Variants in GPC3 observed in about 807,000 individuals in gnomAD.
GPC3 encodes glypican 3.
In GPC3, 3 loss-of-function variants were observed where a neutral mutation model predicts 34.4. That is an observed-to-expected ratio of 0.09 (90% CI 0.04 to 0.23). The LOEUF (loss-of-function observed/expected upper bound fraction) is 0.23. Among genes scored for constraint, GPC3 ranks in the 10% least tolerant of loss-of-function variants. The pLI is 1.00. For synonymous variants in GPC3, 177 were observed against 174.0 expected (o/e 1.02, Z -0.13); for missense variants, 351 against 445.6 (o/e 0.79, Z 1.91).
intron 2 of GPC3, among the ~76,000 whole-genome samples, chrX:133,754,945 G>C (rs2071712774): frequency 8.9e-6 from 1 of 111,945 alleles, no homozygotes; most frequent in African/African-American, 3.2e-5. Context: ...CTGCTCTACA[G>C]AGACCACAAA....
At chrX:133,650,065 T>A (rs917189804) in intron 6 of GPC3, among the ~76,000 whole-genome samples, 3 of 112,157 alleles carry the variant, frequency 2.7e-5, no homozygotes, top group African/African-American at 9.7e-5. Flanking sequence ...TCTGTTGGCA[T>A]GTGAAATACA....
chrX:133,815,525 T>A (rs1225454740), intron 2 of GPC3, among the ~76,000 whole-genome samples: 1 of 110,528 alleles, frequency 9.0e-6, no homozygotes, highest in African/African-American at 3.3e-5. Context: ...GATATATACA[T>A]CTTGCTTCAC....
At chrX:133,591,306 C>T (rs769849800) in intron 7 of GPC3, among the ~76,000 whole-genome samples, 51 of 112,095 alleles carry the variant, frequency 4.5e-4, no homozygotes, top group African/African-American at 1.6e-3. Context: ...GATGAATCAT[C>T]AGGACCAGAT....
At chrX:133,717,636 TAA>T (rs1394536404) in intron 3 of GPC3, among the ~76,000 whole-genome samples, 1 of 110,479 alleles carries the variant, frequency 9.1e-6, no homozygotes, top group East Asian at 2.9e-4. Context: ...TGTGAGCCCT[TAA>T]AAGGGACTGG....
chrX:133,914,944 A>AATATATATATATATATAT (rs35086661), intron 2 of GPC3, among the ~76,000 whole-genome samples: 85 of 49,930 alleles, frequency 1.7e-3, no homozygotes, highest in Non-Finnish European at 2.1e-3. Context: ...TCAAACTGGA[A>AATATATATATATATATAT]ATATATATAT....
At chrX:133,634,124 T>C (rs1293999883) in intron 6 of GPC3, among the ~76,000 whole-genome samples, 1 of 111,668 alleles carries the variant, frequency 9.0e-6, no homozygotes, top group Non-Finnish European at 1.9e-5. Flanking sequence ...AAAACCACAA[T>C]GAGATACCAC....
intron 2 of GPC3, among the ~76,000 whole-genome samples, chrX:133,801,606 C>T (rs2075609748): frequency 8.9e-6 from 1 of 112,230 alleles, no homozygotes; most frequent in Admixed American, 9.4e-5. Context: ...TTAACAAATG[C>T]CAATCTTTGG....
intron 2 of GPC3, among the ~76,000 whole-genome samples, chrX:133,896,914 T>G (rs1225323389): frequency 9.5e-6 from 1 of 104,890 alleles, no homozygotes; most frequent in East Asian, 3.0e-4. Context: ...ACCTTTTTTT[T>G]TTTTTTTTTT....
chrX:133,725,311 C>T (rs1237634873), intron 3 of GPC3, among the ~76,000 whole-genome samples: 1 of 111,553 alleles, frequency 9.0e-6, no homozygotes, highest in Non-Finnish European at 1.9e-5. Context: ...ATCGCTTGAG[C>T]CCACGAGTTC....
chrX:133,917,123 C>T (rs1002012995), intron 2 of GPC3, among the ~76,000 whole-genome samples: 5 of 111,924 alleles, frequency 4.5e-5, no homozygotes, highest in African/African-American at 9.7e-5. Flanking sequence ...TATCTCCATA[C>T]TTAACACACA....
intron 2 of GPC3, among the ~76,000 whole-genome samples, chrX:133,907,115 A>G (rs2076171854): frequency 9.0e-6 from 1 of 110,961 alleles, no homozygotes; most frequent in Non-Finnish European, 1.9e-5. Flanking sequence ...AAAAAAAAAA[A>G]GTTGTAGTCT....
At chrX:133,776,559 A>C (rs188723824) in intron 2 of GPC3, among the ~76,000 whole-genome samples, 1 of 112,094 alleles carries the variant, frequency 8.9e-6, no homozygotes, top group African/African-American at 3.2e-5. Context: ...AAGATCCTTC[A>C]CTATTGTTTA....
In GPC3 at chrX:133,597,516, A is replaced by G. The variant is rs764036043; in HGVS notation, c.1414-917T>C. On this transcript the variant is annotated intron_variant, in intron 6 of 7. Transcript: ENST00000370818. ...AGACAGCCAACAAAAGATTCTGGAT[A>G]TACAGAAACTGAGATCTTTGTGATT... Among the ~76,000 whole-genome samples, 4 of 112,128 alleles carry G rather than the reference A, an allele frequency of 3.6e-5. No individual in the cohort carries two copies. The East Asian group carries it at 1.1e-3, about 31-fold the overall frequency.
In GPC3 at chrX:133,828,555, T is replaced by C. The variant is rs756266717; in HGVS notation, c.338-74379A>G. The stretch of plus-strand genomic sequence containing the variant: ...AATTAAAAATGGCAGATGGAAACCC[T>C]ACTTTATCAGTAATTACATTAAATG... On this transcript the variant is annotated intron_variant, in intron 2 of 7. Transcript: ENST00000370818. Among the ~76,000 whole-genome samples the C allele has an allele frequency of 4.5e-5, 5 of 112,182 alleles. No homozygotes were observed. The Admixed American group carries it at 4.7e-4, about 11-fold the overall frequency.
At chrX:133,898,893 G>A (rs149873333) in intron 2 of GPC3, among the ~76,000 whole-genome samples, 12 of 111,694 alleles carry the variant, frequency 1.1e-4, no homozygotes, top group East Asian at 8.4e-4. Flanking sequence ...AAAGATTTCC[G>A]GACTACCTAA....
chrX:133,726,809 C>T (rs750266615), intron 3 of GPC3, among the ~76,000 whole-genome samples: 12 of 112,221 alleles, frequency 1.1e-4, no homozygotes, highest in Non-Finnish European at 2.1e-4. Context: ...AGCTGGAGCA[C>T]CCATGTGCTC....
chrX:133,884,477 G>T (rs1165689320), intron 2 of GPC3, among the ~76,000 whole-genome samples: 3 of 111,616 alleles, frequency 2.7e-5, no homozygotes, highest in Non-Finnish European at 5.6e-5. Context: ...GAATTAATAT[G>T]ATGTACAAGC....
intron 2 of GPC3, among the ~76,000 whole-genome samples, chrX:133,920,037 T>C (rs1350871633): frequency 9.3e-6 from 1 of 107,349 alleles, no homozygotes; most frequent in Non-Finnish European, 1.9e-5. Context: ...TGGTGGCACA[T>C]GCCTGTAGTC....
At chrX:133,762,488 GA>G (rs201535036) in intron 2 of GPC3, among the ~76,000 whole-genome samples, 1,541 of 111,813 alleles carry the variant, frequency 0.014, 27 homozygotes, top group African/African-American at 0.047. Context: ...CTAATATCCA[GA>G]ATCTATTAGG....
Sources: allele counts gnomAD v4.1 joint callset (sites outside exome capture counted in the v4.1 genomes callset), GRCh38; gene constraint gnomAD v4.1.1; transcripts MANE v1.5; gene names NCBI Gene and HGNC (gene_info 2026-07-23, HGNC 2026-07-21).